The following CFAP20DC variants were observed in gnomAD, a reference collection of about 807,000 sequenced individuals.
CFAP20DC encodes CFAP20 domain containing, also known as protein CFAP20DC.
In CFAP20DC, 84 loss-of-function variants were observed where a neutral mutation model predicts 101.7. That is an observed-to-expected ratio of 0.83 (90% CI 0.69 to 0.99). CFAP20DC has a LOEUF of 0.99. Ranked by LOEUF, CFAP20DC falls within the 50% of genes least tolerant of loss-of-function variation. CFAP20DC has a pLI of 0.00. For missense variants in CFAP20DC, 1,007 were observed against 970.3 expected, an observed-to-expected ratio of 1.04 and a Z score of -0.50; for synonymous variants, 359 against 351.2, an observed-to-expected ratio of 1.02 and a Z score of -0.25.
At chr3:58,962,304 A>G (rs1372717198) in intron 4 of CFAP20DC, among the ~76,000 whole-genome samples, 5 of 152,166 alleles carry the variant, frequency 3.3e-5, no homozygotes, top group African/African-American at 1.2e-4. Flanking sequence ...TATTTAATTT[A>G]TAAGTATGTG....
rs903868078 is a variant in CFAP20DC at position 59,002,271 on chromosome 3, G to A, written c.278+37286C>T. The stretch of plus-strand genomic sequence containing the variant: ...AGATGAGTGTGTGGCACACACACAT[G>A]CTGAATAATTAGCTTCCCTCCTAAG... On this transcript the variant is annotated intron_variant, in intron 4 of 16. Coordinates refer to ENST00000482387, the MANE Select transcript of CFAP20DC (RefSeq NM_001394063.1). The surrounding 1 kb of genome is among the most constrained non-coding windows in gnomAD (Gnocchi z 4.5). Among the ~76,000 whole-genome samples the A allele has an allele frequency of 2.0e-5, 3 of 152,216 alleles. No homozygotes were observed. Among genetic ancestry groups the A allele is most frequent in the African/African-American group, 7.2e-5 (3 of 41,460 alleles).
rs2079079480 is a variant in CFAP20DC at position 58,859,503 on chromosome 3, C to G, written c.1593+4055G>C. On this transcript the variant is annotated intron_variant, in intron 12 of 16. Coordinates refer to ENST00000482387, the MANE Select transcript of CFAP20DC (RefSeq NM_001394063.1). The surrounding 1 kb of genome is among the most constrained non-coding windows in gnomAD (Gnocchi z 4.1). Reference sequence around the variant, plus strand: ...GGTAGAATATTAGATTGCAAATAGACAAGCATTTTGTAACTTTCTTCATCT... The same window carrying G: ...GGTAGAATATTAGATTGCAAATAGAGAAGCATTTTGTAACTTTCTTCATCT... Among the ~76,000 whole-genome samples, 1 of 152,174 alleles carries G rather than the reference C, an allele frequency of 6.6e-6. No individual in the cohort carries two copies. The highest frequency in any genetic ancestry group is 2.4e-5 in the African/African-American group (1 of 41,458).
At chr3:59,035,027 G>C (rs1181333525) in intron 4 of CFAP20DC, among the ~76,000 whole-genome samples, 1 of 152,144 alleles carries the variant, frequency 6.6e-6, no homozygotes, top group Non-Finnish European at 1.5e-5. Context: ...TAGAATTCAG[G>C]ATTAAGAAAC....
In CFAP20DC at chr3:58,849,170, C is replaced by A; in HGVS notation, c.1833G>T (p.Arg611Ser). ...CTGGAGTTTTCTGACAGGACCCACA[C>A]CTTCTTCCAGTTGGAGAAAGGCATG... ...PTTCLSPTGR[R>S]CGSCQKTPEP... is the part of the protein sequence containing the mutation. Residue 611 changes from arginine to serine, a missense_variant, in exon 13 of 17, where the codon AGG becomes AGT. Physicochemically the swap from Arg to Ser is moderately radical, Grantham distance 110 (BLOSUM62 -1). Coordinates refer to ENST00000482387, the MANE Select transcript of CFAP20DC (RefSeq NM_001394063.1). 6.5e-7 allele frequency: 1 copy of A among 1,536,104 alleles called. No homozygotes were observed. The highest frequency in any genetic ancestry group is 2.0e-5 in the Admixed American group (1 of 50,978).
At chr3:58,905,107 A>G (rs1305612459) in intron 6 of CFAP20DC, among the ~76,000 whole-genome samples, 1 of 152,196 alleles carries the variant, frequency 6.6e-6, no homozygotes, top group Admixed American at 6.5e-5. Context: ...CTGAACACAG[A>G]ATACACAGAA....
At chr3:58,845,567 C>T (rs1202693411) in intron 13 of CFAP20DC, among the ~76,000 whole-genome samples, 5 of 151,860 alleles carry the variant, frequency 3.3e-5, no homozygotes, top group Non-Finnish European at 7.4e-5. Flanking sequence ...GATTCACAGC[C>T]GAATTCTACC....
intron 15 of CFAP20DC, among the ~76,000 whole-genome samples, chr3:58,758,666 CTCCTAA>C (rs2069200111): frequency 6.6e-6 from 1 of 152,054 alleles, no homozygotes; most frequent in African/African-American, 2.4e-5. Context: ...TTAGGTATAT[CTCCTAA>C]TGCTATCCCT....
chr3:58,983,000 G>T (rs1249843230), intron 4 of CFAP20DC, among the ~76,000 whole-genome samples: 2 of 152,042 alleles, frequency 1.3e-5, no homozygotes, highest in Non-Finnish European at 2.9e-5. Flanking sequence ...CTGATTAGTG[G>T]TATTAAGCAT....
At chr3:58,898,474 C>T (rs1343221251) in intron 6 of CFAP20DC, among the ~76,000 whole-genome samples, 1 of 152,216 alleles carries the variant, frequency 6.6e-6, no homozygotes, top group East Asian at 1.9e-4. Flanking sequence ...TGTAACTGGC[C>T]TGCTATTGAT....
At chr3:59,045,824 C>A (rs1425719809) in intron 3 of CFAP20DC, among the ~76,000 whole-genome samples, 1 of 151,894 alleles carries the variant, frequency 6.6e-6, no homozygotes, top group African/African-American at 2.4e-5. Flanking sequence ...GATTTTATTT[C>A]AAAGTTTAGC....
At chr3:58,823,619 G>C (rs555313647) in intron 14 of CFAP20DC, among the ~76,000 whole-genome samples, 1 of 152,088 alleles carries the variant, frequency 6.6e-6, no homozygotes, top group South Asian at 2.1e-4. Flanking sequence ...GGAAAGAGTG[G>C]AGCTAGAATG....
chr3:58,952,964 T>C (rs922923726), intron 4 of CFAP20DC, among the ~76,000 whole-genome samples: 1 of 152,274 alleles, frequency 6.6e-6, no homozygotes, highest in African/African-American at 2.4e-5. Flanking sequence ...GTCTCCAGCT[T>C]GTTCTAATGG....
intron 5 of CFAP20DC, among the ~76,000 whole-genome samples, chr3:58,936,703 G>A (rs1323511500): frequency 2.6e-5 from 4 of 152,104 alleles, no homozygotes; most frequent in Non-Finnish European, 4.4e-5. Context: ...ATGTTCTCCC[G>A]CACAGGTGGG....
At chr3:58,890,790 C>A (rs1183899923) in intron 6 of CFAP20DC, among the ~76,000 whole-genome samples, 3 of 139,396 alleles carry the variant, frequency 2.2e-5, no homozygotes, top group East Asian at 2.3e-4. Context: ...CCAGATGGGG[C>A]GGCGGGGCAG....
chr3:58,968,060 C>G (rs1576523569), intron 4 of CFAP20DC, among the ~76,000 whole-genome samples: 1 of 152,182 alleles, frequency 6.6e-6, no homozygotes, highest in Non-Finnish European at 1.5e-5. Context: ...TTTATGGCTG[C>G]ATAGTATTCC....
chr3:58,776,593 T>C (rs1234833421), intron 15 of CFAP20DC, among the ~76,000 whole-genome samples: 1 of 151,142 alleles, frequency 6.6e-6, no homozygotes, highest in African/African-American at 2.4e-5. Flanking sequence ...TTGAAGATAA[T>C]ATATAAGCTA....
In CFAP20DC at chr3:58,984,695, C is replaced by T. The variant is rs1021301385; in HGVS notation, c.279-46933G>A. On this transcript the variant is annotated intron_variant, in intron 4 of 16. Coordinates refer to ENST00000482387, the MANE Select transcript of CFAP20DC (RefSeq NM_001394063.1). ...GATTAGCATTAAAACAAAATCTCTA[C>T]AGAGAAGGAACAAAAAGAGTGAAAA... Among the ~76,000 whole-genome samples, 3 of 152,120 alleles carry T rather than the reference C, an allele frequency of 2.0e-5. No individual in the cohort carries two copies. In the East Asian group the frequency reaches 5.8e-4, roughly 29 times the overall value.
chr3:58,734,272 T>C (rs2067703468), intron 3 of CFAP20DC, among the ~76,000 whole-genome samples: 1 of 152,216 alleles, frequency 6.6e-6, no homozygotes, highest in Admixed American at 6.5e-5. Flanking sequence ...ATTTCTTTTA[T>C]TCATGAATTA....
chr3:58,744,517 G>A (rs1039375956), intron 16 of CFAP20DC, among the ~76,000 whole-genome samples: 1 of 152,184 alleles, frequency 6.6e-6, no homozygotes, highest in African/African-American at 2.4e-5. Flanking sequence ...AAAGAAATCT[G>A]ATTTCTCATA....
Sources: gnomAD v4.1 joint callset for allele counts (sites outside exome capture counted in the v4.1 genomes callset) on GRCh38, gnomAD v4.1.1 for gene constraint, Gnocchi (gnomAD v3.1) non-coding constraint, MANE v1.5 for transcripts, NCBI Gene and HGNC (gene_info 2026-07-23, HGNC 2026-07-21) for gene names.